RGS3: variants seen among roughly 807,000 people sequenced by gnomAD.
RGS3 encodes the protein regulator of G-protein signalling 3.
A neutral mutation model predicts 132.6 loss-of-function variants in RGS3; 80 were observed. The observed-to-expected ratio is 0.60, with a 90% CI of 0.50 to 0.73. The LOEUF (loss-of-function observed/expected upper bound fraction) is 0.73, where lower values mean the gene tolerates loss of function less well. Among genes scored for constraint, RGS3 ranks in the 30% least tolerant of loss-of-function variants. The probability of loss-of-function intolerance (pLI) is 0.00; values close to 1 mark genes in which losing one functional copy is unlikely to be tolerated. For synonymous variants in RGS3, 598 were observed against 620.6 expected (o/e 0.96, Z 0.54); for missense variants, 1,382 against 1,530.8 (o/e 0.90, Z 1.62).
intron 19 of RGS3, chr9:113,541,248 G>C: frequency 1.3e-6 from 2 of 1,520,880 alleles, no homozygotes; most frequent in Non-Finnish European, 1.8e-6. Flanking sequence ...AAGGAACAGA[G>C]GCAGGTCCTG....
At chr9:113,595,462 T>A in intron 23 of RGS3, 137 bp from the exon 22 acceptor site, 1 of 923,400 alleles carries the variant, frequency 1.1e-6, no homozygotes, top group Non-Finnish European at 1.6e-6. Flanking sequence ...ATCCCAGGGC[T>A]CCTGGCTGTC....
At chr9:113,573,775 C>T (rs913943197) in intron 19 of RGS3, among the ~76,000 whole-genome samples, 3 of 152,150 alleles carry the variant, frequency 2.0e-5, no homozygotes, top group African/African-American at 4.8e-5. Context: ...ATGTGGAGTC[C>T]GAGCGGGGCC....
chr9:113,483,130 G>T lies in RGS3; in HGVS notation c.525+13G>T. The T allele has an allele frequency of 6.3e-7, 1 of 1,577,220 alleles. No homozygotes were observed. Among genetic ancestry groups the T allele is most frequent in the Non-Finnish European group, 8.7e-7 (1 of 1,147,434 alleles). On this transcript the variant is annotated intron_variant, in intron 5 of 24. Transcript: ENST00000350696. ...TCCGTATGTGAAGGTATGTGGTGGG[G>T]CCGGAGATGGAGAGTGGGATATTGA...
chr9:113,565,220 G>C lies in RGS3; in HGVS notation c.2038-18230G>C, dbSNP rs373972946. On this transcript the variant is annotated intron_variant, in intron 19 of 24. Transcript: ENST00000350696. The surrounding 1 kb of genome is among the most constrained non-coding windows in gnomAD (Gnocchi z 5.7). ...CCCCTCGCGGGGTGGGCAGAAGGAC[G>C]GGCTGGCCCAGGACCCTCTTCTTTG... 7.9e-6 allele frequency: 10 copies of C among 1,267,290 alleles called. No homozygotes were observed. The highest frequency in any genetic ancestry group is 5.6e-5 in the East Asian group (1 of 17,722). The allele number at this position is 1,267,290 out of a possible 1,614,324, so 78.5% of individuals were successfully genotyped here. A position where few individuals can be genotyped will look rare whatever the true frequency, so the allele number is the denominator to read the frequency against.
chr9:113,469,318 A>G (rs954794380), intron 3 of RGS3, among the ~76,000 whole-genome samples: 1 of 151,886 alleles, frequency 6.6e-6, no homozygotes, highest in African/African-American at 2.4e-5. Flanking sequence ...AGCCTGGGAG[A>G]TTCCCTGGCA....
At chr9:113,513,508 A>G (rs775611838) in intron 14 of RGS3, among the ~76,000 whole-genome samples, 1 of 152,222 alleles carries the variant, frequency 6.6e-6, no homozygotes, top group Non-Finnish European at 1.5e-5. Flanking sequence ...CACAACAACG[A>G]AACAACACTG....
chr9:113,472,914 G>T (rs984329308), intron 3 of RGS3, among the ~76,000 whole-genome samples: 6 of 152,068 alleles, frequency 3.9e-5, no homozygotes, highest in Non-Finnish European at 7.4e-5. Flanking sequence ...GGTGGTGCAT[G>T]CCTGTAATCC....
At chr9:113,462,968 C>A (rs959085435) in intron 3 of RGS3, among the ~76,000 whole-genome samples, 1 of 152,210 alleles carries the variant, frequency 6.6e-6, no homozygotes, top group Non-Finnish European at 1.5e-5. Flanking sequence ...AGGAGGTGTC[C>A]TGTAAATGTT....
intron 19 of RGS3, among the ~76,000 whole-genome samples, chr9:113,569,510 C>G (rs1041806004): frequency 1.3e-5 from 2 of 152,100 alleles, no homozygotes; most frequent in Non-Finnish European, 2.9e-5. Flanking sequence ...CTGCAGTTCC[C>G]AGTTGATTCA....
intron 10 of RGS3, among the ~76,000 whole-genome samples, chr9:113,499,484 G>A (rs550263623): frequency 6.6e-6 from 1 of 152,342 alleles, no homozygotes; most frequent in East Asian, 1.9e-4. Context: ...CCTGTGCATG[G>A]CCTAGCTGGG....
chr9:113,527,934 G>A (rs964568818), intron 17 of RGS3, among the ~76,000 whole-genome samples: 5 of 152,206 alleles, frequency 3.3e-5, no homozygotes, highest in Non-Finnish European at 4.4e-5. Context: ...CATTTGAGAG[G>A]TGGGCTGTGT....
intron 17 of RGS3, among the ~76,000 whole-genome samples, chr9:113,527,040 C>G (rs773453757): frequency 6.6e-6 from 1 of 152,220 alleles, no homozygotes; most frequent in Non-Finnish European, 1.5e-5. Flanking sequence ...GTGCTGCCCC[C>G]ATTCCGTCCT....
chr9:113,489,611 ACTC>A (rs936545427), intron 7 of RGS3, among the ~76,000 whole-genome samples: 2 of 151,154 alleles, frequency 1.3e-5, no homozygotes, highest in Non-Finnish European at 2.9e-5. Flanking sequence ...GCAGCCTTGA[ACTC>A]CTGGGCTCTA....
At chr9:113,567,577 A>G (rs577745087) in intron 19 of RGS3, among the ~76,000 whole-genome samples, 11 of 152,296 alleles carry the variant, frequency 7.2e-5, no homozygotes, top group East Asian at 1.9e-4. Flanking sequence ...CTGAATGTCA[A>G]AGTTGCATCC....
chr9:113,570,797 C>A (rs532604920), intron 19 of RGS3, among the ~76,000 whole-genome samples: 3 of 152,062 alleles, frequency 2.0e-5, no homozygotes, highest in Admixed American at 6.6e-5. Flanking sequence ...CCACCATGCC[C>A]GGCTAATTTT....
In RGS3 at chr9:113,507,453, C is replaced by A; in HGVS notation, c.1252C>A (p.Pro418Thr). The A allele has an allele frequency of 6.2e-7, 1 of 1,613,816 alleles. No homozygotes were observed. Among genetic ancestry groups the A allele is most frequent in the Non-Finnish European group, 8.5e-7 (1 of 1,180,022 alleles). The change falls in exon 13 of 25, where the codon CCT (proline) becomes ACT (threonine). Residue 418 changes from proline (P) to threonine (T), a missense_variant. Transcript: ENST00000350696. The surrounding 1 kb of genome is among the most constrained non-coding windows in gnomAD (Gnocchi z 5.0). The stretch of plus-strand genomic sequence containing the variant: ...CTGCACCCATGGGGTCCAGGCACGG[C>A]CTGAGCAGCGCCACAGCTGCCACCT...
intron 21 of RGS3, chr9:113,593,970 G>T: frequency 6.2e-7 from 1 of 1,613,016 alleles, no homozygotes; most frequent in Non-Finnish European, 8.5e-7. Context: ...TTCCTGCCGG[G>T]GCGGCCCCAG....
intron 18 of RGS3, 101 bp downstream of exon 16, chr9:113,529,365 C>T: frequency 9.9e-7 from 1 of 1,009,728 alleles, no homozygotes; most frequent in Non-Finnish European, 1.6e-6. Context: ...TGCCAGCCTC[C>T]ATACCCACTC....
intron 19 of RGS3, among the ~76,000 whole-genome samples, chr9:113,568,378 C>T (rs565946916): frequency 1.9e-4 from 29 of 152,340 alleles, no homozygotes; most frequent in Non-Finnish European, 3.4e-4. Context: ...CTGGAGACTG[C>T]GGCACCTTCT....
Sources: gnomAD v4.1 joint callset for allele counts (sites outside exome capture counted in the v4.1 genomes callset) on GRCh38, gnomAD v4.1.1 for gene constraint, Gnocchi (gnomAD v3.1) non-coding constraint, MANE v1.5 for transcripts, NCBI Gene and HGNC (gene_info 2026-07-23, HGNC 2026-07-21) for gene names.